Variants in PATJ observed in about 807,000 individuals in gnomAD.
The protein encoded by PATJ is inaD-like protein.
PATJ carries 190 observed loss-of-function variants against 224.9 expected under a neutral mutation model. The ratio of observed to expected loss-of-function variants is 0.84; its 90% CI spans 0.75 to 0.95. PATJ has a LOEUF of 0.95. Among genes scored for constraint, PATJ ranks in the 40% least tolerant of loss-of-function variants. The probability of loss-of-function intolerance (pLI) is 0.00; values close to 1 mark genes in which losing one functional copy is unlikely to be tolerated. For synonymous variants in PATJ, 769 were observed against 820.3 expected, an observed-to-expected ratio of 0.94 and a Z score of 1.07; for missense variants, 2,121 against 2,270.3, an observed-to-expected ratio of 0.93 and a Z score of 1.34.
At position 61,795,455 on chromosome 1, in the gene PATJ, G is replaced by A. The variant is rs776777371; in HGVS notation, c.1169-12G>A. 6.7e-5 allele frequency: 103 copies of A among 1,533,268 alleles called. No homozygotes were observed. Among genetic ancestry groups the A allele is most frequent in the Non-Finnish European group, 8.6e-5 (96 of 1,122,236 alleles). The allele number at this position is 1,533,268 out of a possible 1,614,324, so 95.0% of individuals were successfully genotyped here. On this transcript the variant is annotated splice_polypyrimidine_tract_variant and intron_variant, in intron 9 of 43. Coordinates refer to ENST00000642238, the MANE Select transcript of PATJ (RefSeq NM_001350145.3). ...ATTTTCTTCCTTTTTCCGTATGTCTGTGCACCTTAAGGGGAAGCTTCAGGG... is the reference window on the plus strand; with the variant it reads ...ATTTTCTTCCTTTTTCCGTATGTCTATGCACCTTAAGGGGAAGCTTCAGGG...
intron 29 of PATJ, among the ~76,000 whole-genome samples, chr1:62,026,984 G>A (rs1482004159): frequency 6.6e-6 from 1 of 152,116 alleles, no homozygotes; most frequent in Non-Finnish European, 1.5e-5. Flanking sequence ...AACACAAAAG[G>A]TACCATCTTT....
At chr1:61,777,544 TAAAAAC>T (rs902238834) in intron 7 of PATJ, among the ~76,000 whole-genome samples, 1 of 151,736 alleles carries the variant, frequency 6.6e-6, no homozygotes, top group African/African-American at 2.4e-5. Flanking sequence ...AGAAAAAAAA[TAAAAAC>T]AAAAGAAAAG....
At chr1:61,941,211 AG>A (rs1677769848) in intron 27 of PATJ, among the ~76,000 whole-genome samples, 1 of 152,222 alleles carries the variant, frequency 6.6e-6, no homozygotes, top group Non-Finnish European at 1.5e-5. Flanking sequence ...TAAAAATAAT[AG>A]CTTTTAAAGT....
Position 61,928,590 on chromosome 1 carries a change from A to C in PATJ, c.3670+761A>C, listed in dbSNP as rs2499819. On this transcript the variant is annotated intron_variant, in intron 27 of 43. Coordinates refer to ENST00000642238, the MANE Select transcript of PATJ (RefSeq NM_001350145.3). ...GAAATTGAGTCAAAATTCTTACTCT[A>C]GCAGTTCCTAGAGTGTGACCTTAAA... is the stretch of plus-strand genomic sequence containing the variant. Among the ~76,000 whole-genome samples the C allele has an allele frequency of 3.2e-3, 487 of 152,262 alleles. 1 individual carries two copies. The highest frequency in any genetic ancestry group is 0.011 in the African/African-American group (467 of 41,558).
At chr1:62,013,872 C>G (rs1646605191) in intron 28 of PATJ, among the ~76,000 whole-genome samples, 1 of 152,080 alleles carries the variant, frequency 6.6e-6, no homozygotes, top group Non-Finnish European at 1.5e-5. Flanking sequence ...TTCCCAGGTT[C>G]AAGTGATTCT....
intron 1 of PATJ, among the ~76,000 whole-genome samples, chr1:61,756,028 G>A (rs1645620324): frequency 6.6e-6 from 1 of 152,082 alleles, no homozygotes; most frequent in African/African-American, 2.4e-5. Flanking sequence ...CCTGACCTCA[G>A]GTGATCCACC....
At chr1:61,899,756 G>GA (rs5774578) in intron 23 of PATJ, 102 bp downstream of exon 23, 375,066 of 700,650 alleles carry the variant, frequency 0.54, 109,385 homozygotes, top group Non-Finnish European at 0.6. Context: ...TAATGATTGA[G>GA]AATTGCGATA....
intron 32 of PATJ, 145 bp downstream of exon 32, chr1:62,079,712 A>G: frequency 1.5e-6 from 1 of 645,714 alleles, no homozygotes. Flanking sequence ...GGGCTTGGAT[A>G]GGTCACTTCA....
intron 27 of PATJ, among the ~76,000 whole-genome samples, chr1:61,962,435 G>A (rs937187422): frequency 1.3e-5 from 2 of 152,144 alleles, no homozygotes; most frequent in Admixed American, 6.5e-5. Flanking sequence ...CAGATACACT[G>A]TCTGGAGTTT....
chr1:62,143,438 A>ATTT (rs34127211), intron 41 of PATJ, among the ~76,000 whole-genome samples: 49 of 74,324 alleles, frequency 6.6e-4, no homozygotes, highest in East Asian at 2.6e-3. Context: ...TAAGCTGGGA[A>ATTT]TTTTTTTTTT....
intron 17 of PATJ, among the ~76,000 whole-genome samples, chr1:61,853,242 T>C (rs550589987): frequency 1.3e-5 from 2 of 152,176 alleles, no homozygotes; most frequent in Non-Finnish European, 2.9e-5. Flanking sequence ...AGAAGTCTAT[T>C]TCCATTTCCT....
intron 28 of PATJ, among the ~76,000 whole-genome samples, chr1:62,000,314 G>A (rs1238093711): frequency 9.4e-5 from 14 of 149,426 alleles, no homozygotes; most frequent in South Asian, 2.1e-4. Context: ...CGTCATTTAC[G>A]TTAGGTATAT....
intron 28 of PATJ, among the ~76,000 whole-genome samples, chr1:62,011,654 A>T (rs1262932254): frequency 6.6e-6 from 1 of 151,948 alleles, no homozygotes; most frequent in Admixed American, 6.6e-5. Flanking sequence ...AAGTCAGCAC[A>T]TGCCACTGTA....
intron 7 of PATJ, among the ~76,000 whole-genome samples, chr1:61,778,133 G>A (rs189984726): frequency 2.6e-5 from 4 of 152,220 alleles, no homozygotes; most frequent in African/African-American, 9.6e-5. Flanking sequence ...TCCCGCCTTG[G>A]CCTCCCAAAG....
Position 61,855,746 on chromosome 1 carries a change from A to G in PATJ, c.2113-284A>G, listed in dbSNP as rs1367940806. On this transcript the variant is annotated intron_variant, in intron 17 of 43. Coordinates refer to ENST00000642238, the MANE Select transcript of PATJ (RefSeq NM_001350145.3). The stretch of plus-strand genomic sequence containing the variant: ...TTTTTTAATTACAAAAACTTTTTCT[A>G]GCAAGGTCTTGCTATATTGCCTAGG... Among the ~76,000 whole-genome samples, 4 of 152,172 alleles carry G rather than the reference A, an allele frequency of 2.6e-5. No individual in the cohort carries two copies. In the East Asian group the frequency reaches 7.7e-4, roughly 29 times the overall value.
chr1:61,799,871 AC>A (rs2148574526), intron 11 of PATJ, among the ~76,000 whole-genome samples: 1 of 152,288 alleles, frequency 6.6e-6, no homozygotes, highest in Non-Finnish European at 1.5e-5. Context: ...GTTGCTGAAA[AC>A]AAAACAAAAC....
At chr1:62,050,377 A>G (rs1051587935) in intron 30 of PATJ, among the ~76,000 whole-genome samples, 1 of 152,194 alleles carries the variant, frequency 6.6e-6, no homozygotes, top group African/African-American at 2.4e-5. Flanking sequence ...CTGGGCTCCA[A>G]GTTTGCTCAA....
chr1:61,920,616 G>A (rs1226982046), intron 26 of PATJ, among the ~76,000 whole-genome samples: 4 of 151,838 alleles, frequency 2.6e-5, no homozygotes, highest in Non-Finnish European at 5.9e-5. Flanking sequence ...ATATTTGCCT[G>A]GCATGTTGGG....
chr1:61,924,392 T>C (rs1374435737), intron 26 of PATJ, among the ~76,000 whole-genome samples: 1 of 152,084 alleles, frequency 6.6e-6, no homozygotes, highest in East Asian at 1.9e-4. Flanking sequence ...AATACTAGTA[T>C]TAACTGTGGG....
Sources: allele counts gnomAD v4.1 joint callset (sites outside exome capture counted in the v4.1 genomes callset), GRCh38; gene constraint gnomAD v4.1.1; transcripts MANE v1.5; gene names NCBI Gene and HGNC (gene_info 2026-07-23, HGNC 2026-07-21).